Variants in RIT2 observed in about 807,000 individuals in gnomAD.
RIT2 encodes GTP-binding protein Rit2.
RIT2 carries 24 observed loss-of-function variants against 23.7 expected under a neutral mutation model. The observed-to-expected ratio is 1.01, with a 90% CI of 0.73 to 1.43. The LOEUF (loss-of-function observed/expected upper bound fraction) is 1.43. Among genes scored for constraint, RIT2 ranks in the 40% most tolerant of loss-of-function variants. The pLI is 0.00. For missense variants in RIT2, 236 were observed against 266.9 expected (o/e 0.88, Z 0.81); for synonymous variants, 107 against 91.1 (o/e 1.17, Z -0.99).
chr18:42,967,685 C>T (rs922922217), intron 3 of RIT2, among the ~76,000 whole-genome samples: 2 of 151,174 alleles, frequency 1.3e-5, no homozygotes, highest in Non-Finnish European at 2.9e-5. Context: ...GCCACCACAC[C>T]TGGCCAAAAG....
chr18:43,018,479 A>T (rs1911523591), intron 2 of RIT2, among the ~76,000 whole-genome samples: 1 of 152,064 alleles, frequency 6.6e-6, no homozygotes, highest in African/African-American at 2.4e-5. Flanking sequence ...AGTTAAATTA[A>T]ATGTATCCCC....
intron 4 of RIT2, among the ~76,000 whole-genome samples, chr18:42,861,541 C>T (rs1191627776): frequency 6.6e-6 from 1 of 152,160 alleles, no homozygotes; most frequent in African/African-American, 2.4e-5. Context: ...ACTCTATGCC[C>T]CATGGGAGGC....
At chr18:42,916,344 G>T (rs1454908884) in intron 4 of RIT2, among the ~76,000 whole-genome samples, 1 of 152,016 alleles carries the variant, frequency 6.6e-6, no homozygotes, top group Non-Finnish European at 1.5e-5. Context: ...TGTGTCTGTT[G>T]TCTATCTCCA....
At chr18:42,776,258 A>G (rs1913669900) in intron 4 of RIT2, among the ~76,000 whole-genome samples, 1 of 152,206 alleles carries the variant, frequency 6.6e-6, no homozygotes, top group African/African-American at 2.4e-5. Context: ...TGACAATTTT[A>G]TTAGATTCAT....
intron 3 of RIT2, among the ~76,000 whole-genome samples, chr18:42,948,614 A>G (rs544512420): frequency 2.0e-5 from 3 of 152,220 alleles, no homozygotes; most frequent in African/African-American, 7.2e-5. Flanking sequence ...CAGTTTGCCC[A>G]AGGAGTCCTA....
At chr18:42,800,011 TAA>T (rs1905480372) in intron 4 of RIT2, among the ~76,000 whole-genome samples, 1 of 152,234 alleles carries the variant, frequency 6.6e-6, no homozygotes, top group Admixed American at 6.5e-5. Flanking sequence ...ATCGGCTCCA[TAA>T]AGTTACAGAA....
intron 1 of RIT2, among the ~76,000 whole-genome samples, chr18:43,077,280 G>A (rs1286865622): frequency 6.6e-6 from 1 of 152,110 alleles, no homozygotes; most frequent in Non-Finnish European, 1.5e-5. Flanking sequence ...AATTTTGCTT[G>A]TGCATGTGAG....
At chr18:42,809,922 A>G (rs1475329787) in intron 4 of RIT2, among the ~76,000 whole-genome samples, 1 of 136,498 alleles carries the variant, frequency 7.3e-6, no homozygotes, top group Non-Finnish European at 1.5e-5. Context: ...TATAATTTGT[A>G]TATATGTTAT....
chr18:42,916,924 A>G (rs1598713597), intron 4 of RIT2, among the ~76,000 whole-genome samples: 1 of 152,120 alleles, frequency 6.6e-6, no homozygotes, highest in Non-Finnish European at 1.5e-5. Context: ...TGCAAACCCA[A>G]CAGAGTCTTT....
intron 4 of RIT2, among the ~76,000 whole-genome samples, chr18:42,843,778 T>G (rs571964694): frequency 1.3e-5 from 2 of 152,080 alleles, no homozygotes; most frequent in South Asian, 2.1e-4. Context: ...ACTGGAGAGA[T>G]AGTGATGAAA....
chr18:42,921,321 CGCACTTTCT>C (rs1555646911), intron 4 of RIT2, among the ~76,000 whole-genome samples: 8 of 152,114 alleles, frequency 5.3e-5, no homozygotes, highest in Non-Finnish European at 4.4e-5. Flanking sequence ...TCATGGTTTT[CGCACTTTCT>C]GTGACTATCT....
chr18:42,935,367 A>G (rs902185937), intron 3 of RIT2, among the ~76,000 whole-genome samples: 4 of 152,154 alleles, frequency 2.6e-5, no homozygotes, highest in African/African-American at 7.2e-5. Context: ...GGAATCCCCT[A>G]TATCACTCTA....
intron 1 of RIT2, among the ~76,000 whole-genome samples, chr18:43,066,906 T>C (rs990317156): frequency 6.6e-6 from 1 of 150,410 alleles, no homozygotes. Context: ...AGACTGAAAA[T>C]GTAGACAGCA....
intron 1 of RIT2, among the ~76,000 whole-genome samples, chr18:43,042,334 C>T (rs1023975079): frequency 1.3e-5 from 2 of 152,200 alleles, no homozygotes; most frequent in Non-Finnish European, 2.9e-5. Context: ...CATCACCATT[C>T]CTTCCTCATC....
intron 4 of RIT2, among the ~76,000 whole-genome samples, chr18:42,880,034 T>C (rs1230656101): frequency 6.6e-6 from 1 of 152,200 alleles, no homozygotes; most frequent in Non-Finnish European, 1.5e-5. Context: ...TCACTTAATT[T>C]CTCTCTGTTG....
chr18:42,923,817 T>C, intron 3 of RIT2, 54 bp from the exon 4 acceptor site: 1 of 1,360,796 alleles, frequency 7.3e-7, no homozygotes, highest in Non-Finnish European at 1.0e-6. Context: ...AGCTAATTAA[T>C]ATGAGGTTTA....
At chr18:42,978,394 C>A (rs1450398128) in intron 2 of RIT2, among the ~76,000 whole-genome samples, 1 of 151,692 alleles carries the variant, frequency 6.6e-6, no homozygotes, top group Non-Finnish European at 1.5e-5. Flanking sequence ...TCCATAGAAA[C>A]TAATCCTTTT....
intron 3 of RIT2, among the ~76,000 whole-genome samples, chr18:42,960,740 A>G (rs1313680865): frequency 6.6e-6 from 1 of 152,188 alleles, no homozygotes; most frequent in Non-Finnish European, 1.5e-5. Flanking sequence ...TACATCAATA[A>G]TGTAGGCTAG....
At chr18:42,753,066 G>A (rs1913084125) in intron 4 of RIT2, among the ~76,000 whole-genome samples, 1 of 152,136 alleles carries the variant, frequency 6.6e-6, no homozygotes, top group African/African-American at 2.4e-5. Flanking sequence ...TGCCAGAGGA[G>A]GCATTAGAAC....
Sources: allele counts gnomAD v4.1 joint callset (sites outside exome capture counted in the v4.1 genomes callset), GRCh38; gene constraint gnomAD v4.1.1; transcripts MANE v1.5; gene names NCBI Gene and HGNC (gene_info 2026-07-23, HGNC 2026-07-21).